ANKRD29: variants seen among roughly 807,000 people sequenced by gnomAD.
The protein encoded by ANKRD29 is ankyrin repeat domain 29, also known as ankyrin repeat domain-containing protein 29.
Under a neutral mutation model 38.0 loss-of-function variants are expected in ANKRD29, and 32 were observed. The ratio of observed to expected loss-of-function variants is 0.84; its 90% CI spans 0.64 to 1.13. ANKRD29 has a LOEUF of 1.13. Among genes scored for constraint, ANKRD29 ranks in the 50% most tolerant of loss-of-function variants. ANKRD29 has a pLI of 0.00. For synonymous variants in ANKRD29, 135 were observed against 152.4 expected (o/e 0.89, Z 0.84); for missense variants, 357 against 377.9 (o/e 0.94, Z 0.46).
intron 3 of ANKRD29, 38 bp downstream of exon 3, chr18:23,646,151 G>A: frequency 6.3e-7 from 1 of 1,587,426 alleles, no homozygotes; most frequent in Non-Finnish European, 8.6e-7. Context: ...AGATCTCTGA[G>A]CCTGGTCATT....
intron 1 of ANKRD29, 87 bp downstream of exon 1, chr18:23,662,613 GCCCACCCCAT>G (rs1426955957): frequency 9.4e-5 from 38 of 404,142 alleles, no homozygotes; most frequent in African/African-American, 2.6e-4. Flanking sequence ...AGCGGGCAGC[GCCCACCCCAT>G]CCCACCCCAT....
intron 1 of ANKRD29, among the ~76,000 whole-genome samples, chr18:23,653,225 A>T (rs1210959095): frequency 4.6e-5 from 7 of 152,310 alleles, no homozygotes; most frequent in South Asian, 4.1e-4. Context: ...TTGTTAAGTA[A>T]TGTATGACTG....
At chr18:23,605,211 A>G (rs2059560527) in intron 9 of ANKRD29, among the ~76,000 whole-genome samples, 1 of 152,070 alleles carries the variant, frequency 6.6e-6, no homozygotes, top group Admixed American at 6.6e-5. Flanking sequence ...GTTAGCCACC[A>G]TGCCCGGCCC....
intron 1 of ANKRD29, among the ~76,000 whole-genome samples, chr18:23,658,627 G>A (rs1039602769): frequency 4.6e-5 from 7 of 152,182 alleles, no homozygotes; most frequent in Non-Finnish European, 1.0e-4. Context: ...CATGCCAGGA[G>A]GACAGGGGCT....
chr18:23,659,102 C>T (rs1568058376), intron 1 of ANKRD29, among the ~76,000 whole-genome samples: 1 of 152,172 alleles, frequency 6.6e-6, no homozygotes, highest in Non-Finnish European at 1.5e-5. Flanking sequence ...CTGCCTCAGC[C>T]TCCCCAGTAG....
intron 1 of ANKRD29, among the ~76,000 whole-genome samples, chr18:23,655,961 T>C (rs1005124745): frequency 2.1e-4 from 32 of 149,566 alleles, no homozygotes; most frequent in South Asian, 1.3e-3. Flanking sequence ...GGCGTAGTGG[T>C]GGGCGCCTGT....
rs896071736 is a variant in ANKRD29, at chr18:23,644,045, A to G, written c.231+2144T>C. Among the ~76,000 whole-genome samples the G allele has an allele frequency of 4.6e-5, 7 of 152,346 alleles. 1 individual carries two copies. In the South Asian group the frequency reaches 6.2e-4, roughly 14 times the overall value. On this transcript the variant is annotated intron_variant, in intron 3 of 9. Transcript: ENST00000592179. ...AATTCAGGGACTGCCAGGAACTTACATAGCACCATCATTTGAGCCACGCAG... is the reference window on the plus strand; with the variant it reads ...AATTCAGGGACTGCCAGGAACTTACGTAGCACCATCATTTGAGCCACGCAG...
intron 9 of ANKRD29, among the ~76,000 whole-genome samples, chr18:23,608,603 CTG>C (rs2059601381): frequency 6.6e-6 from 1 of 152,154 alleles, no homozygotes; most frequent in Admixed American, 6.5e-5. Context: ...AAAATTATAA[CTG>C]AGGAAATTAA....
At chr18:23,608,830 G>C (rs1599058940) in intron 9 of ANKRD29, among the ~76,000 whole-genome samples, 1 of 152,162 alleles carries the variant, frequency 6.6e-6, no homozygotes, top group Non-Finnish European at 1.5e-5. Flanking sequence ...TTAGCTACAA[G>C]ATTAGAAATT....
At chr18:23,627,721 C>A (rs918963719) in intron 6 of ANKRD29, among the ~76,000 whole-genome samples, 1 of 152,110 alleles carries the variant, frequency 6.6e-6, no homozygotes, top group African/African-American at 2.4e-5. Context: ...ATCTTGATAA[C>A]CTCACATTCT....
At position 23,608,020 on chromosome 18, in the gene ANKRD29, A is replaced by G. The variant is rs2059594532; in HGVS notation, c.822+4072T>C. Among the ~76,000 whole-genome samples the G allele has an allele frequency of 3.3e-5, 5 of 152,330 alleles. No individual in the cohort carries two copies. The South Asian group carries it at 8.3e-4, about 25-fold the overall frequency. On this transcript the variant is annotated intron_variant, in intron 9 of 9. Transcript: ENST00000592179. ...AGTCTTGGAACTCCTGGAGCAGAAGAGTGTTCTGTACTAGCTGAGAAGTCA... is the reference window on the plus strand; with the variant it reads ...AGTCTTGGAACTCCTGGAGCAGAAGGGTGTTCTGTACTAGCTGAGAAGTCA...
intron 6 of ANKRD29, among the ~76,000 whole-genome samples, chr18:23,626,174 C>T (rs941635370): frequency 4.6e-5 from 7 of 152,164 alleles, no homozygotes; most frequent in Admixed American, 2.0e-4. Flanking sequence ...TCTAAGCTTC[C>T]GACCTGGGAG....
intron 8 of ANKRD29, among the ~76,000 whole-genome samples, chr18:23,613,745 G>A (rs371418811): frequency 3.3e-5 from 5 of 151,246 alleles, no homozygotes; most frequent in South Asian, 4.2e-4. Flanking sequence ...CACTACAGGC[G>A]CCCGCCACAC....
At chr18:23,637,626 G>C (rs2060019442) in intron 4 of ANKRD29, among the ~76,000 whole-genome samples, 1 of 151,714 alleles carries the variant, frequency 6.6e-6, no homozygotes, top group Admixed American at 6.6e-5. Flanking sequence ...TTGAACTCCT[G>C]AGCTCAAACT....
intron 6 of ANKRD29, among the ~76,000 whole-genome samples, chr18:23,625,741 A>C (rs1215674083): frequency 6.6e-6 from 1 of 152,206 alleles, no homozygotes; most frequent in Non-Finnish European, 1.5e-5. Flanking sequence ...CAACCTGCTA[A>C]GGTCACACAG....
At chr18:23,611,583 G>A (rs568167021) in intron 9 of ANKRD29, among the ~76,000 whole-genome samples, 3 of 152,178 alleles carry the variant, frequency 2.0e-5, no homozygotes, top group Non-Finnish European at 2.9e-5. Flanking sequence ...TACTCAGGAG[G>A]CTGAGGCAGA....
At chr18:23,653,170 C>A (rs569974068) in intron 1 of ANKRD29, among the ~76,000 whole-genome samples, 70 of 152,322 alleles carry the variant, frequency 4.6e-4, no homozygotes, top group African/African-American at 1.6e-3. Context: ...GATGTTTGCG[C>A]AATGAAAGAA....
chr18:23,617,985 A>C (rs887831281), intron 7 of ANKRD29, among the ~76,000 whole-genome samples, 158 bp from the exon 8 acceptor site: 2 of 152,200 alleles, frequency 1.3e-5, no homozygotes, highest in Non-Finnish European at 2.9e-5. Context: ...CATTTTAGAG[A>C]ATATTAAGCA....
chr18:23,655,901 G>A (rs1188237663), intron 1 of ANKRD29, among the ~76,000 whole-genome samples: 3 of 149,588 alleles, frequency 2.0e-5, no homozygotes, highest in South Asian at 2.1e-4. Flanking sequence ...AGACCATCCC[G>A]GCTAAAACGG....
Sources: allele counts gnomAD v4.1 joint callset (sites outside exome capture counted in the v4.1 genomes callset), GRCh38; gene constraint gnomAD v4.1.1; transcripts MANE v1.5; gene names NCBI Gene and HGNC (gene_info 2026-07-23, HGNC 2026-07-21).